The following FGFR1 variants were observed in gnomAD, a reference collection of about 807,000 sequenced individuals.
FGFR1 encodes the protein FGFR1/PLAG1 fusion.
In FGFR1, 18 loss-of-function variants were observed where a neutral mutation model predicts 93.7. That is an observed-to-expected ratio of 0.19 (90% CI 0.13 to 0.28). FGFR1 has a LOEUF of 0.28. Among genes scored for constraint, FGFR1 ranks in the 10% least tolerant of loss-of-function variants. The pLI is 1.00. For synonymous variants in FGFR1, 448 were observed against 429.3 expected, an observed-to-expected ratio of 1.04 and a Z score of -0.54; for missense variants, 731 against 1,080.4, an observed-to-expected ratio of 0.68 and a Z score of 4.53.
intron 8 of FGFR1, among the ~76,000 whole-genome samples, chr8:38,421,447 A>C (rs933847430): frequency 3.3e-5 from 5 of 152,166 alleles, no homozygotes; most frequent in African/African-American, 1.2e-4. Flanking sequence ...TCAGATGCTC[A>C]GTACCCAGCG....
At chr8:38,435,400 T>C (rs978891360) in intron 2 of FGFR1, 2 of 151,876 alleles carry the variant, frequency 1.3e-5, no homozygotes, top group African/African-American at 4.8e-5. Context: ...CGGCTAGGAG[T>C]GCTCTTGGTG....
chr8:38,452,614 C>T (rs112813934), intron 2 of FGFR1, among the ~76,000 whole-genome samples: 27 of 152,252 alleles, frequency 1.8e-4, no homozygotes, highest in African/African-American at 6.0e-4. Flanking sequence ...CCTCCTGCAT[C>T]GGCCTCCTAT....
rs755042837 is a variant in FGFR1 at position 38,428,435 on chromosome 8, T to C, written c.359A>G (p.Asp120Gly). 1 of 1,611,178 alleles carries C rather than the reference T, an allele frequency of 6.2e-7. No individual in the cohort carries two copies. The highest frequency in any genetic ancestry group is 1.7e-5 in the Admixed American group (1 of 59,604). Reference sequence around the variant, plus strand: ...ATCATCCTCCGAGGAGGGGAGAGCATCTATGGGAAGAAGAAGGGGCACTGA... The same window carrying C: ...ATCATCCTCCGAGGAGGGGAGAGCACCTATGGGAAGAAGAAGGGGCACTGA... ...DTTYFSVNVS[D>G]ALPSSEDDDD... Residue 120 changes from aspartate (D) to glycine (G), a missense_variant and splice_region_variant, in exon 4 of 18, where the codon GAT becomes GGT. Physicochemically the swap from Asp to Gly is moderately conservative, Grantham distance 94. Around this residue, in one of 10 missense-constraint regions of FGFR1, gnomAD observed 212 missense variants for 205.8 expected, o/e 1.03. Coordinates refer to ENST00000447712, the MANE Select transcript of FGFR1 (RefSeq NM_023110.3).
In FGFR1 at chr8:38,439,905, G is replaced by A. The variant is rs117142440; in HGVS notation, c.92-9957C>T. 6.0e-4 allele frequency among the ~76,000 whole-genome samples: 91 copies of A among 152,130 alleles called. No individual in the cohort carries two copies. In the East Asian group the frequency reaches 0.014, roughly 24 times the overall value. The stretch of plus-strand genomic sequence containing the variant: ...TTGCTGGGGTGCTGGGCTGACAGTA[G>A]GTATTTGTATTACCTACTCTACGTT... On this transcript the variant is annotated intron_variant, in intron 2 of 17. Transcript: ENST00000447712.
chr8:38,459,916 G>A (rs1833946554), intron 1 of FGFR1, among the ~76,000 whole-genome samples: 1 of 152,170 alleles, frequency 6.6e-6, no homozygotes, highest in African/African-American at 2.4e-5. Flanking sequence ...GGGCATGTTG[G>A]CTCATACCTA....
At chr8:38,460,793 T>C (rs928586029) in intron 1 of FGFR1, among the ~76,000 whole-genome samples, 11 of 152,302 alleles carry the variant, frequency 7.2e-5, no homozygotes, top group South Asian at 4.1e-4. Flanking sequence ...TAGTCCAACA[T>C]GCTGTCTGGG....
chr8:38,465,436 A>G (rs977989323), intron 1 of FGFR1: 18 of 232,140 alleles, frequency 7.8e-5, no homozygotes, highest in Non-Finnish European at 1.4e-4. Context: ...GAGTAAATGC[A>G]ACAGATATTT....
chr8:38,414,727 C>A, intron 14 of FGFR1, 52 bp downstream of exon 14: 1 of 1,613,656 alleles, frequency 6.2e-7, no homozygotes, highest in Non-Finnish European at 8.5e-7. Context: ...CCACCCCACT[C>A]CTTGCTTCTC....
intron 2 of FGFR1, among the ~76,000 whole-genome samples, chr8:38,448,570 G>A (rs989921927): frequency 1.3e-5 from 2 of 152,198 alleles, no homozygotes; most frequent in Admixed American, 1.3e-4. Context: ...TATACTTGCT[G>A]ACTATAGAGA....
chr8:38,448,983 T>C (rs929666887), intron 2 of FGFR1, among the ~76,000 whole-genome samples: 2 of 151,940 alleles, frequency 1.3e-5, no homozygotes, highest in African/African-American at 4.8e-5. Flanking sequence ...ATGCCTGTAA[T>C]CCTAACACTT....
chr8:38,414,369 G>C (rs2150542838), intron 15 of FGFR1, 80 bp from the exon 16 acceptor site: 2 of 1,604,444 alleles, frequency 1.2e-6, no homozygotes, highest in Non-Finnish European at 1.7e-6. Context: ...ACCCAGGGCA[G>C]TGCCAGGAGA....
chr8:38,427,815 T>G, intron 5 of FGFR1, 106 bp downstream of exon 5: 1 of 1,236,598 alleles, frequency 8.1e-7, no homozygotes, highest in Admixed American at 1.7e-5. Flanking sequence ...ATAACCTGTA[T>G]AGGTGGAAAG....
intron 2 of FGFR1, among the ~76,000 whole-genome samples, chr8:38,441,727 G>A (rs1344882331): frequency 6.6e-6 from 1 of 152,204 alleles, no homozygotes; most frequent in Non-Finnish European, 1.5e-5. Flanking sequence ...TTCACATTTA[G>A]CACCAGAATC....
intron 2 of FGFR1, among the ~76,000 whole-genome samples, chr8:38,436,063 C>G (rs941278670): frequency 9.8e-5 from 15 of 152,288 alleles, no homozygotes; most frequent in African/African-American, 3.6e-4. Context: ...ATTACAGGCT[C>G]TAGGTGCCAT....
intron 2 of FGFR1, among the ~76,000 whole-genome samples, chr8:38,454,994 T>A (rs1234643151): frequency 8.8e-5 from 13 of 148,036 alleles, no homozygotes; most frequent in Admixed American, 1.3e-4. Flanking sequence ...TTTTTTTTTT[T>A]AGACAGAGTT....
intron 1 of FGFR1, among the ~76,000 whole-genome samples, chr8:38,464,719 G>A (rs1319896504): frequency 6.6e-6 from 1 of 152,130 alleles, no homozygotes; most frequent in Non-Finnish European, 1.5e-5. Flanking sequence ...TTCCCAGGAG[G>A]AAATTAAACT....
At chr8:38,441,564 T>C (rs1827477336) in intron 2 of FGFR1, among the ~76,000 whole-genome samples, 2 of 152,182 alleles carry the variant, frequency 1.3e-5, no homozygotes, top group South Asian at 4.1e-4. Flanking sequence ...CCCAATACAC[T>C]TTGCTTCTCT....
chr8:38,457,305 A>AT, intron 2 of FGFR1, 51 bp downstream of exon 2: 1 of 1,591,342 alleles, frequency 6.3e-7, no homozygotes, highest in Non-Finnish European at 8.6e-7. Flanking sequence ...CTCCCAGCCC[A>AT]TCCTGTTCCC....
At chr8:38,439,063 CCT>C (rs1480157436) in intron 2 of FGFR1, among the ~76,000 whole-genome samples, 4 of 152,176 alleles carry the variant, frequency 2.6e-5, no homozygotes, top group Non-Finnish European at 5.9e-5. Context: ...GTAACAATGC[CCT>C]GTTTTGGCAT....
Sources: gnomAD v4.1 joint callset for allele counts (sites outside exome capture counted in the v4.1 genomes callset) on GRCh38, gnomAD v4.1.1 for gene constraint, gnomAD v4.1.1 regional missense constraint, MANE v1.5 for transcripts, NCBI Gene and HGNC (gene_info 2026-07-23, HGNC 2026-07-21) for gene names.